Variants in CNTN4 observed in about 807,000 individuals in gnomAD.
CNTN4 encodes the protein contactin 4.
A neutral mutation model predicts 122.5 loss-of-function variants in CNTN4; 77 were observed. The ratio of observed to expected loss-of-function variants is 0.63; its 90% confidence interval spans 0.52 to 0.76. The LOEUF is 0.76. CNTN4 is among the 30% of genes least tolerant of loss of function. The pLI is 0.00. For missense variants in CNTN4, 1,256 were observed against 1,259.1 expected, an observed-to-expected ratio of 1.00 and a Z score of 0.04; for synonymous variants, 512 against 447.0, an observed-to-expected ratio of 1.15 and a Z score of -1.83.
intron 6 of CNTN4, among the ~76,000 whole-genome samples, chr3:2,756,682 C>T (rs1449008565): frequency 4.6e-5 from 7 of 152,118 alleles, no homozygotes; most frequent in Non-Finnish European, 7.3e-5. Flanking sequence ...CAAGTGTCCT[C>T]ATAAGAGAGT....
At chr3:2,218,480 T>G (rs1188032636) in intron 2 of CNTN4, among the ~76,000 whole-genome samples, 1 of 152,138 alleles carries the variant, frequency 6.6e-6, no homozygotes, top group Non-Finnish European at 1.5e-5. Flanking sequence ...TGAGCGCACC[T>G]GTGAATAGTC....
At chr3:2,805,124 C>T (rs998463024) in intron 6 of CNTN4, among the ~76,000 whole-genome samples, 5 of 152,026 alleles carry the variant, frequency 3.3e-5, no homozygotes, top group African/African-American at 4.8e-5. Context: ...TTGCAGTGAG[C>T]CGAGACCGCA....
chr3:2,291,631 C>A (rs555417032), intron 2 of CNTN4, among the ~76,000 whole-genome samples: 1 of 133,152 alleles, frequency 7.5e-6, no homozygotes, highest in South Asian at 2.2e-4. Flanking sequence ...TCACTGAAGT[C>A]CTTATGATAA....
intron 2 of CNTN4, among the ~76,000 whole-genome samples, chr3:2,142,968 G>C (rs930072385): frequency 6.6e-6 from 1 of 152,182 alleles, no homozygotes; most frequent in Non-Finnish European, 1.5e-5. Context: ...AGCAAAATGA[G>C]TGCTCTATGG....
At chr3:2,603,681 C>T (rs140809807) in intron 4 of CNTN4, among the ~76,000 whole-genome samples, 151 of 152,220 alleles carry the variant, frequency 9.9e-4, no homozygotes, top group African/African-American at 3.2e-3. Context: ...ATGAGAGCTC[C>T]GGTGGAATAA....
At chr3:2,587,687 G>A (rs564409233) in intron 4 of CNTN4, among the ~76,000 whole-genome samples, 7 of 152,262 alleles carry the variant, frequency 4.6e-5, no homozygotes, top group East Asian at 1.9e-4. Context: ...ATTATCAATG[G>A]CATTTCATAA....
chr3:2,691,915 T>G (rs2085760032), intron 4 of CNTN4, among the ~76,000 whole-genome samples: 1 of 152,194 alleles, frequency 6.6e-6, no homozygotes, highest in Admixed American at 6.5e-5. Context: ...CACAGAAATA[T>G]ATGTCAACAT....
chr3:2,162,357 C>A (rs949228472), intron 2 of CNTN4, among the ~76,000 whole-genome samples: 8 of 152,274 alleles, frequency 5.3e-5, no homozygotes, highest in African/African-American at 1.7e-4. Context: ...ATAACAGAAT[C>A]CTGTTATTGC....
chr3:2,495,326 G>C (rs2076425362), intron 3 of CNTN4, among the ~76,000 whole-genome samples: 1 of 151,988 alleles, frequency 6.6e-6, no homozygotes, highest in South Asian at 2.1e-4. Context: ...TGTGTGTTTT[G>C]AACTTCTTCA....
At chr3:2,533,337 A>G (rs1328961442) in intron 3 of CNTN4, among the ~76,000 whole-genome samples, 6 of 151,716 alleles carry the variant, frequency 4.0e-5, no homozygotes, top group African/African-American at 9.7e-5. Flanking sequence ...CCCGTGTCCA[A>G]GTGTTCTCAT....
intron 8 of CNTN4, among the ~76,000 whole-genome samples, chr3:2,868,199 T>G (rs1298906395): frequency 2.6e-5 from 4 of 152,230 alleles, no homozygotes; most frequent in Admixed American, 6.5e-5. Flanking sequence ...TGCACAGAAC[T>G]ATATGTGAAT....
intron 3 of CNTN4, among the ~76,000 whole-genome samples, chr3:2,482,680 G>A (rs943894593): frequency 1.4e-4 from 21 of 152,132 alleles, no homozygotes; most frequent in African/African-American, 3.4e-4. Context: ...CAGCCACTCC[G>A]GCCGTGGCTA....
chr3:2,490,929 C>T (rs1203771784), intron 3 of CNTN4, among the ~76,000 whole-genome samples: 1 of 152,104 alleles, frequency 6.6e-6, no homozygotes, highest in African/African-American at 2.4e-5. Context: ...TTATTCAGGC[C>T]TCCCAGTTGA....
chr3:2,875,896 A>C (rs2093838687), intron 8 of CNTN4, among the ~76,000 whole-genome samples: 1 of 152,182 alleles, frequency 6.6e-6, no homozygotes, highest in Non-Finnish European at 1.5e-5. Context: ...TAATTGCCCA[A>C]ACTGGAAACT....
intron 2 of CNTN4, among the ~76,000 whole-genome samples, chr3:2,173,979 G>C (rs1158040967): frequency 6.6e-6 from 1 of 152,192 alleles, no homozygotes; most frequent in East Asian, 1.9e-4. Context: ...GAGTCAACTA[G>C]AAGGGTGACG....
intron 4 of CNTN4, among the ~76,000 whole-genome samples, chr3:2,654,760 C>A (rs1461988018): frequency 6.6e-6 from 1 of 152,176 alleles, no homozygotes; most frequent in African/African-American, 2.4e-5. Flanking sequence ...CTAGCAAATA[C>A]AGTTAGGAGT....
intron 3 of CNTN4, among the ~76,000 whole-genome samples, chr3:2,364,160 A>G (rs1358893944): frequency 1.3e-5 from 2 of 152,196 alleles, no homozygotes; most frequent in African/African-American, 4.8e-5. Context: ...TTTGGAAATC[A>G]TACAGTGCTA....
intron 3 of CNTN4, among the ~76,000 whole-genome samples, chr3:2,407,864 T>C (rs963054824): frequency 6.6e-6 from 1 of 152,210 alleles, no homozygotes; most frequent in Non-Finnish European, 1.5e-5. Context: ...TCATGTAATA[T>C]TCCCTATGTG....
At chr3:2,425,287 A>C (rs2047779594) in intron 3 of CNTN4, among the ~76,000 whole-genome samples, 1 of 152,126 alleles carries the variant, frequency 6.6e-6, no homozygotes, top group African/African-American at 2.4e-5. Context: ...CTTTCAACAT[A>C]TGGCTAGCCA....
Sources: allele counts gnomAD v4.1 joint callset (sites outside exome capture counted in the v4.1 genomes callset), GRCh38; gene constraint gnomAD v4.1.1; transcripts MANE v1.5; gene names NCBI Gene and HGNC (gene_info 2026-07-23, HGNC 2026-07-21).